Variants in PCDHA13 observed in about 807,000 individuals in gnomAD.
PCDHA13 encodes protocadherin alpha 13.
In PCDHA13, 54 loss-of-function variants were observed where a neutral mutation model predicts 64.8. The observed-to-expected ratio is 0.83, with a 90% CI of 0.67 to 1.04. The LOEUF (loss-of-function observed/expected upper bound fraction) is 1.04, where lower values mean the gene tolerates loss of function less well. Ranked by LOEUF, PCDHA13 falls within the 50% of genes least tolerant of loss-of-function variation. The probability of loss-of-function intolerance (pLI) is 0.00; values close to 1 mark genes in which losing one functional copy is unlikely to be tolerated. For synonymous variants in PCDHA13, 587 were observed against 564.4 expected (o/e 1.04, Z -0.57); for missense variants, 1,248 against 1,254.3 (o/e 0.99, Z 0.08).
chr5:140,883,021 G>A lies in PCDHA13; in HGVS notation c.753G>A (p.Val251=). 6.2e-7 allele frequency: 1 copy of A among 1,614,136 alleles called. No homozygotes were observed. The highest frequency in any genetic ancestry group is 8.5e-7 in the Non-Finnish European group (1 of 1,180,034). Residue 251 remains valine (V), a synonymous_variant, in exon 1 of 4, where the codon GTG becomes GTA. Coordinates refer to ENST00000289272, the MANE Select transcript of PCDHA13 (RefSeq NM_018904.3). ...ACCAATCCGTTTATAAAGTGACGGT[G>A]TTAGAGAACGCCTTCAATGGAACAT... ...EFYQSVYKVT[V]LENAFNGTLV...
At chr5:140,926,512 C>T in intron 1 of PCDHA13, 1 of 197,914 alleles carries the variant, frequency 5.1e-6, no homozygotes. Context: ...GTCTCCCAGG[C>T]TCCGCCCTGC....
At chr5:140,885,267 C>T (rs1448375746) in intron 1 of PCDHA13, among the ~76,000 whole-genome samples, 1 of 151,978 alleles carries the variant, frequency 6.6e-6, no homozygotes, top group Non-Finnish European at 1.5e-5. Flanking sequence ...ATTACTCATA[C>T]ATATATATAT....
intron 1 of PCDHA13, among the ~76,000 whole-genome samples, chr5:140,970,929 G>A (rs537614286): frequency 1.4e-4 from 22 of 152,192 alleles, no homozygotes; most frequent in Non-Finnish European, 2.9e-4. Flanking sequence ...AGTGCCTGGT[G>A]TTAGTCAATG....
intron 1 of PCDHA13, among the ~76,000 whole-genome samples, chr5:140,905,357 A>G (rs1280254509): frequency 1.3e-5 from 2 of 152,052 alleles, no homozygotes; most frequent in African/African-American, 4.8e-5. Flanking sequence ...GTATTTGACT[A>G]TATTTCTGGT....
At chr5:140,949,963 A>G (rs1044562957) in intron 1 of PCDHA13, among the ~76,000 whole-genome samples, 1 of 151,750 alleles carries the variant, frequency 6.6e-6, no homozygotes, top group African/African-American at 2.4e-5. Context: ...TGCTGTAAGG[A>G]TTACAGCATA....
chr5:140,900,845 C>CT (rs1284280086), intron 1 of PCDHA13, among the ~76,000 whole-genome samples: 1 of 152,106 alleles, frequency 6.6e-6, no homozygotes, highest in Non-Finnish European at 1.5e-5. Context: ...CAAAGTTTCC[C>CT]TTTTTTTCAC....
intron 1 of PCDHA13, among the ~76,000 whole-genome samples, chr5:140,924,894 C>CAAAA (rs782133089): frequency 2.8e-5 from 2 of 71,514 alleles, no homozygotes; most frequent in Non-Finnish European, 3.2e-5. Flanking sequence ...GAACCTGTCT[C>CAAAA]AAAAAAAAAA....
intron 1 of PCDHA13, among the ~76,000 whole-genome samples, chr5:140,978,203 C>T (rs1231262283): frequency 6.6e-6 from 1 of 152,178 alleles, no homozygotes; most frequent in East Asian, 1.9e-4. Context: ...CAATACACAA[C>T]TAATGCAAAA....
intron 3 of PCDHA13, among the ~76,000 whole-genome samples, chr5:140,987,520 G>T (rs1221115195): frequency 2.0e-5 from 3 of 152,106 alleles, no homozygotes; most frequent in Non-Finnish European, 4.4e-5. Context: ...CTCAGTAATT[G>T]TATGTTCCTG....
In PCDHA13 at chr5:140,883,195, T is replaced by G. The variant is rs781816525; in HGVS notation, c.927T>G (p.Asp309Glu). The change falls in exon 1 of 4, where the codon GAT (aspartate) becomes GAG (glutamate). Residue 309 changes from aspartate (D) to glutamate (E), a missense_variant. Asp to Glu is a conservative substitution (Grantham distance 45). Transcript: ENST00000289272. Reference protein sequence around the residue: ...NGEIRTKGKLDFEEKKLYEIS... With the variant: ...NGEIRTKGKLEFEEKKLYEIS... Reference sequence around the variant, plus strand: ...AAATTAGGACAAAAGGCAAACTAGATTTCGAAGAAAAGAAATTATATGAAA... The same window carrying G: ...AAATTAGGACAAAAGGCAAACTAGAGTTCGAAGAAAAGAAATTATATGAAA... 1 of 1,613,904 alleles carries G rather than the reference T, an allele frequency of 6.2e-7. No individual in the cohort carries two copies. Among genetic ancestry groups the G allele is most frequent in the Non-Finnish European group, 8.5e-7 (1 of 1,179,978 alleles).
chr5:140,919,649 T>C (rs1252944920), intron 1 of PCDHA13, among the ~76,000 whole-genome samples: 1 of 152,202 alleles, frequency 6.6e-6, no homozygotes, highest in African/African-American at 2.4e-5. Flanking sequence ...TTCTCTAGAG[T>C]TTACCATATA....
chr5:140,930,098 A>G (rs1345846320), intron 1 of PCDHA13: 1 of 152,124 alleles, frequency 6.6e-6, no homozygotes, highest in Non-Finnish European at 1.5e-5. Flanking sequence ...ATTTATACTG[A>G]TAGGAGATCA....
Position 140,884,356 on chromosome 5 carries a change from C to T in PCDHA13, c.2088C>T (p.Val696=). Residue 696 remains valine, a synonymous_variant, in exon 1 of 4, where the codon GTC becomes GTT. Coordinates refer to ENST00000289272, the MANE Select transcript of PCDHA13 (RefSeq NM_018904.3). ...AVGPEAALVD[V]NVYLIIAICA... ...GTCCAGAAGCGGCGCTGGTGGATGT[C>T]AATGTTTACTTGATCATTGCCATCT... The T allele has an allele frequency of 6.2e-7, 1 of 1,613,936 alleles. No individual in the cohort carries two copies. The highest frequency in any genetic ancestry group is 1.1e-5 in the South Asian group (1 of 91,090).
intron 1 of PCDHA13, among the ~76,000 whole-genome samples, chr5:140,962,930 C>T (rs2095720492): frequency 6.6e-6 from 1 of 152,144 alleles, no homozygotes; most frequent in Admixed American, 6.5e-5. Context: ...TACTTCTCAA[C>T]CTCCTCTCCA....
At chr5:140,995,317 C>T (rs1554254587) in intron 3 of PCDHA13, among the ~76,000 whole-genome samples, 1 of 152,118 alleles carries the variant, frequency 6.6e-6, no homozygotes, top group Non-Finnish European at 1.5e-5. Flanking sequence ...TCTAAGTGAA[C>T]TAACAGGTGA....
intron 1 of PCDHA13, chr5:140,966,581 G>A: frequency 1.9e-6 from 1 of 535,414 alleles, no homozygotes; most frequent in Non-Finnish European, 3.0e-6. Flanking sequence ...AGTCAGCGAG[G>A]ACGGTGGGGC....
intron 1 of PCDHA13, among the ~76,000 whole-genome samples, chr5:140,911,001 C>T (rs543025308): frequency 1.3e-5 from 2 of 152,220 alleles, no homozygotes; most frequent in African/African-American, 4.8e-5. Context: ...CCCCTAGGGC[C>T]CTCCTGGGAC....
intron 3 of PCDHA13, among the ~76,000 whole-genome samples, chr5:141,002,467 G>A (rs1266754067): frequency 6.6e-6 from 1 of 152,202 alleles, no homozygotes; most frequent in African/African-American, 2.4e-5. Context: ...TAACGCTTTA[G>A]CATTTTCAAA....
At chr5:140,944,694 T>C (rs2093685448) in intron 1 of PCDHA13, among the ~76,000 whole-genome samples, 1 of 152,190 alleles carries the variant, frequency 6.6e-6, no homozygotes, top group African/African-American at 2.4e-5. Context: ...TTAATAACAG[T>C]AATTATCAGG....
Sources: allele counts gnomAD v4.1 joint callset (sites outside exome capture counted in the v4.1 genomes callset), GRCh38; gene constraint gnomAD v4.1.1; transcripts MANE v1.5; gene names NCBI Gene and HGNC (gene_info 2026-07-23, HGNC 2026-07-21).